Variants in PTPRD observed in about 807,000 individuals in gnomAD.
PTPRD encodes protein tyrosine phosphatase receptor type D, also known as receptor-type tyrosine-protein phosphatase delta.
Under a neutral mutation model 214.5 loss-of-function variants are expected in PTPRD, and 34 were observed. That is an observed-to-expected ratio of 0.16 (90% confidence interval 0.12 to 0.21). The LOEUF is 0.21. PTPRD is among the 10% of genes least tolerant of loss of function. The pLI is 1.00. For synonymous variants in PTPRD, 1,128 were observed against 845.7 expected (o/e 1.33, Z -5.79); for missense variants, 2,545 against 2,398.7 (o/e 1.06, Z -1.27).
intron 2 of PTPRD, among the ~76,000 whole-genome samples, chr9:10,367,430 G>T (rs141336445): frequency 1.3e-5 from 2 of 152,074 alleles, no homozygotes; most frequent in Admixed American, 6.6e-5. Context: ...CTGTGTTACC[G>T]TTTGAGCCAA....
chr9:8,467,021 A>C (rs1389532961), intron 31 of PTPRD, among the ~76,000 whole-genome samples: 1 of 151,904 alleles, frequency 6.6e-6, no homozygotes, highest in African/African-American at 2.4e-5. Context: ...GGAGTAGTAA[A>C]TGTGTTCAGC....
intron 5 of PTPRD, among the ~76,000 whole-genome samples, chr9:9,862,385 T>A (rs771337364): frequency 3.3e-5 from 5 of 152,216 alleles, no homozygotes; most frequent in Non-Finnish European, 5.9e-5. Context: ...CTGCTGTAAC[T>A]AACTGCCGTA....
At chr9:8,857,730 G>A in intron 11 of PTPRD, 1 of 156,040 alleles carries the variant, frequency 6.4e-6, no homozygotes, top group Non-Finnish European at 1.4e-5. Flanking sequence ...CCACGGCCGC[G>A]CCGCCGCCTC....
At chr9:9,003,544 C>T (rs760005982) in intron 11 of PTPRD, among the ~76,000 whole-genome samples, 9 of 152,004 alleles carry the variant, frequency 5.9e-5, no homozygotes, top group Non-Finnish European at 1.3e-4. Flanking sequence ...TGATTGTTGG[C>T]TGGATCTCAG....
At chr9:9,522,157 C>CA (rs770450649) in intron 8 of PTPRD, among the ~76,000 whole-genome samples, 5,820 of 39,334 alleles carry the variant, frequency 0.15, 407 homozygotes, top group Middle Eastern at 0.19. Flanking sequence ...ATCTCCATCT[C>CA]AAAAAAAAAA....
At chr9:9,572,264 C>T (rs866639371) in intron 8 of PTPRD, among the ~76,000 whole-genome samples, 7 of 151,274 alleles carry the variant, frequency 4.6e-5, no homozygotes, top group Admixed American at 1.3e-4. Context: ...TGTGAAAATA[C>T]TTCTATCATG....
At chr9:10,094,698 T>C (rs1248515764) in intron 3 of PTPRD, among the ~76,000 whole-genome samples, 1 of 151,376 alleles carries the variant, frequency 6.6e-6, no homozygotes, top group Non-Finnish European at 1.5e-5. Context: ...AGAGCTTGAC[T>C]TCTCAACAGG....
intron 4 of PTPRD, among the ~76,000 whole-genome samples, chr9:9,957,255 T>A (rs1285526178): frequency 6.6e-6 from 1 of 152,168 alleles, no homozygotes; most frequent in Non-Finnish European, 1.5e-5. Flanking sequence ...TTTTAAGATA[T>A]CTCATAAATC....
intron 11 of PTPRD, among the ~76,000 whole-genome samples, chr9:8,769,505 T>C (rs2095034525): frequency 1.3e-5 from 2 of 152,176 alleles, no homozygotes; most frequent in African/African-American, 4.8e-5. Flanking sequence ...GCATTTGTAG[T>C]TGTGTGGTTC....
intron 8 of PTPRD, among the ~76,000 whole-genome samples, chr9:9,524,619 C>A (rs990238321): frequency 6.6e-6 from 1 of 152,148 alleles, no homozygotes; most frequent in African/African-American, 2.4e-5. Context: ...TTCCTAGAAA[C>A]CAAACACCAT....
At chr9:9,642,721 G>T (rs142940837) in intron 7 of PTPRD, among the ~76,000 whole-genome samples, 1 of 152,174 alleles carries the variant, frequency 6.6e-6, no homozygotes, top group African/African-American at 2.4e-5. Context: ...GAGGTAAATA[G>T]TAAGGATCAT....
chr9:9,974,773 C>G (rs1304076084), intron 4 of PTPRD, among the ~76,000 whole-genome samples: 1 of 152,110 alleles, frequency 6.6e-6, no homozygotes, highest in African/African-American at 2.4e-5. Flanking sequence ...TAACTTCTTA[C>G]CTATTGGTTG....
At chr9:10,030,579 T>C (rs1305508494) in intron 4 of PTPRD, among the ~76,000 whole-genome samples, 1 of 152,084 alleles carries the variant, frequency 6.6e-6, no homozygotes, top group South Asian at 2.1e-4. Context: ...TGTTAACTCC[T>C]AGGAGGGATA....
At chr9:8,774,438 G>A (rs556722466) in intron 11 of PTPRD, among the ~76,000 whole-genome samples, 1 of 151,672 alleles carries the variant, frequency 6.6e-6, no homozygotes, top group African/African-American at 2.4e-5. Context: ...AAAAAACAGG[G>A]AGCTTTAGAG....
At chr9:8,929,755 A>ATACATATG (rs1285445116) in intron 11 of PTPRD, among the ~76,000 whole-genome samples, 698 of 58,048 alleles carry the variant, frequency 0.012, 19 homozygotes, top group Non-Finnish European at 0.017. Context: ...GTATATATAT[A>ATACATATG]TGTATATATA....
At chr9:8,706,108 G>A (rs1324755676) in intron 12 of PTPRD, among the ~76,000 whole-genome samples, 1 of 152,066 alleles carries the variant, frequency 6.6e-6, no homozygotes, top group African/African-American at 2.4e-5. Context: ...GAGAAAAGAA[G>A]CCAATTATGA....
intron 3 of PTPRD, among the ~76,000 whole-genome samples, chr9:10,104,877 C>A (rs113839082): frequency 3.3e-5 from 5 of 151,976 alleles, no homozygotes; most frequent in Admixed American, 6.6e-5. Context: ...AGTCTCCTGT[C>A]GTGTTTCCTG....
In PTPRD at chr9:9,242,039, G is replaced by C. The variant is rs559612690; in HGVS notation, c.-202-58676C>G. On this transcript the variant is annotated intron_variant, in intron 9 of 45. Coordinates refer to ENST00000381196, the MANE Select transcript of PTPRD (RefSeq NM_002839.4). ...TCAGGAGCTCTTGTAGGGCAGGCCT[G>C]GTGGTGACAAAATCTCTCAGCATTT... 7.7e-3 allele frequency among the ~76,000 whole-genome samples: 1,165 copies of C among 152,100 alleles called. 10 individuals carry two copies. The highest frequency in any genetic ancestry group is 0.027 in the African/African-American group (1,135 of 41,484).
At chr9:10,450,934 A>C (rs1473695650) in intron 2 of PTPRD, among the ~76,000 whole-genome samples, 1 of 151,970 alleles carries the variant, frequency 6.6e-6, no homozygotes, top group Non-Finnish European at 1.5e-5. Flanking sequence ...TGATTTATAA[A>C]AATCTCTAAG....
Sources: allele counts gnomAD v4.1 joint callset (sites outside exome capture counted in the v4.1 genomes callset), GRCh38; gene constraint gnomAD v4.1.1; transcripts MANE v1.5; gene names NCBI Gene and HGNC (gene_info 2026-07-23, HGNC 2026-07-21).